MCM9: variants seen among roughly 807,000 people sequenced by gnomAD.
MCM9 encodes the protein minichromosome maintenance 9 homologous recombination repair factor, also known as DNA helicase MCM9.
In MCM9, 55 loss-of-function variants were observed where a neutral mutation model predicts 72.8. The ratio of observed to expected loss-of-function variants is 0.76; its 90% CI spans 0.61 to 0.95. The LOEUF is 0.95. Among genes scored for constraint, MCM9 ranks in the 40% least tolerant of loss-of-function variants. MCM9 has a pLI of 0.00. For missense variants in MCM9, 1,279 were observed against 1,377.0 expected (o/e 0.93, Z 1.13); for synonymous variants, 480 against 503.4 (o/e 0.95, Z 0.62).
At chr6:118,924,804 G>A (rs1288995922) in intron 3 of MCM9, among the ~76,000 whole-genome samples, 1 of 152,194 alleles carries the variant, frequency 6.6e-6, no homozygotes, top group Non-Finnish European at 1.5e-5. Context: ...TCACACTTGG[G>A]AAGCCAAGGT....
chr6:118,850,994 T>C (rs1776185799), intron 9 of MCM9, among the ~76,000 whole-genome samples: 1 of 151,560 alleles, frequency 6.6e-6, no homozygotes, highest in African/African-American at 2.4e-5. Context: ...GTTTTTTTGT[T>C]TTTTGTATCG....
intron 8 of MCM9, among the ~76,000 whole-genome samples, chr6:118,889,272 G>A (rs1232024032): frequency 6.6e-6 from 1 of 152,074 alleles, no homozygotes; most frequent in Non-Finnish European, 1.5e-5. Context: ...TCTGGTTTTT[G>A]ACTCTTTCTA....
Position 118,816,019 on chromosome 6 carries a change from T to C in MCM9, c.2237A>G (p.Asp746Gly), listed in dbSNP as rs1356222043. The C allele has an allele frequency of 2.6e-6, 4 of 1,550,554 alleles. No homozygotes were observed. The East Asian group carries it at 9.8e-5, about 38-fold the overall frequency. Residue 746 changes from aspartate (D) to glycine (G), a missense_variant, in exon 14 of 14, where the codon GAT (aspartate) becomes GGT (glycine). By Grantham distance (94) the Asp-to-Gly change is moderately conservative. Transcript: ENST00000619706. Reference sequence around the variant, plus strand: ...TTCACTCTGATGAGTTGCCATGAAATCAAACCAATCTAAACTGTCATCTCT... The same window carrying C: ...TTCACTCTGATGAGTTGCCATGAAACCAAACCAATCTAAACTGTCATCTCT... ...NNRDDSLDWF[D>G]FMATHQSEPK...
intron 8 of MCM9, among the ~76,000 whole-genome samples, chr6:118,884,936 C>A (rs570188375): frequency 6.6e-6 from 1 of 152,300 alleles, no homozygotes; most frequent in South Asian, 2.1e-4. Flanking sequence ...GTGGCTCACA[C>A]CTGTAATCCC....
rs1221324305 is a variant in MCM9, at chr6:118,891,873, G to C, written c.1150+19777C>G. On this transcript the variant is annotated intron_variant, in intron 8 of 13. Coordinates refer to ENST00000619706, the MANE Select transcript of MCM9 (RefSeq NM_017696.3). ...TAACCCATAGTGAGAAGTGATTGGG[G>C]GATTACATTCCATGCAGCCCTCCAA... 2.0e-5 allele frequency among the ~76,000 whole-genome samples: 3 copies of C among 152,080 alleles called. No individual in the cohort carries two copies. In the East Asian group the frequency reaches 5.8e-4, roughly 29 times the overall value.
chr6:118,917,978 C>T (rs1251396183), intron 5 of MCM9: 2 of 550,986 alleles, frequency 3.6e-6, no homozygotes, highest in East Asian at 5.8e-5. Flanking sequence ...AAGCTGAAGT[C>T]AGTATTTCCT....
chr6:118,848,108 A>T (rs1354970624), intron 9 of MCM9, among the ~76,000 whole-genome samples: 1 of 151,922 alleles, frequency 6.6e-6, no homozygotes, highest in Non-Finnish European at 1.5e-5. Context: ...TCCCAAAAAG[A>T]CCAATGGTGA....
At chr6:118,870,956 A>G (rs1329595592) in intron 8 of MCM9, among the ~76,000 whole-genome samples, 1 of 152,148 alleles carries the variant, frequency 6.6e-6, no homozygotes, top group Non-Finnish European at 1.5e-5. Context: ...TGAATCAATA[A>G]TTAAAAGTCT....
chr6:118,865,580 G>A (rs1346949749), intron 8 of MCM9, among the ~76,000 whole-genome samples: 2 of 152,182 alleles, frequency 1.3e-5, no homozygotes, highest in African/African-American at 2.4e-5. Context: ...GTGGTCATTT[G>A]ACAAGCTGGC....
chr6:118,841,389 C>T (rs139845679), intron 9 of MCM9, among the ~76,000 whole-genome samples: 1 of 152,154 alleles, frequency 6.6e-6, no homozygotes. Flanking sequence ...TCTGGCCCCC[C>T]CTTAACCAGA....
At chr6:118,846,556 G>C (rs1361381931) in intron 9 of MCM9, among the ~76,000 whole-genome samples, 1 of 151,776 alleles carries the variant, frequency 6.6e-6, no homozygotes, top group Non-Finnish European at 1.5e-5. Flanking sequence ...AAGTTCCGGG[G>C]ACCAGAGCTG....
intron 8 of MCM9, among the ~76,000 whole-genome samples, chr6:118,883,944 A>G (rs1258863079): frequency 1.3e-5 from 2 of 152,252 alleles, no homozygotes; most frequent in East Asian, 3.8e-4. Context: ...GTTTAGAGAC[A>G]CATATCTTTT....
chr6:118,910,226 T>A (rs564104270), intron 8 of MCM9, among the ~76,000 whole-genome samples: 15 of 152,216 alleles, frequency 9.9e-5, no homozygotes, highest in Admixed American at 1.3e-4. Flanking sequence ...GGTTTTTTTT[T>A]AATTGTATTT....
intron 8 of MCM9, among the ~76,000 whole-genome samples, chr6:118,867,463 C>T (rs1443280417): frequency 6.6e-6 from 1 of 152,214 alleles, no homozygotes; most frequent in Admixed American, 6.5e-5. Flanking sequence ...TACTCACTCA[C>T]TGACTAATCC....
At chr6:118,824,512 T>C (rs1774039944) in intron 13 of MCM9, among the ~76,000 whole-genome samples, 1 of 152,154 alleles carries the variant, frequency 6.6e-6, no homozygotes, top group South Asian at 2.1e-4. Context: ...TTTCACCATG[T>C]TGGCCAGGCT....
At chr6:118,885,430 G>A (rs1294644551) in intron 8 of MCM9, among the ~76,000 whole-genome samples, 1 of 151,946 alleles carries the variant, frequency 6.6e-6, no homozygotes, top group Non-Finnish European at 1.5e-5. Flanking sequence ...CTTTAGTTAG[G>A]GTGACCAAAC....
chr6:118,907,496 G>T, intron 8 of MCM9: 3 of 1,613,600 alleles, frequency 1.9e-6, no homozygotes, highest in Non-Finnish European at 2.5e-6. Flanking sequence ...GCAGAGAGCA[G>T]TAATCCAAAT....
chr6:118,884,509 A>T (rs561618892), intron 8 of MCM9, among the ~76,000 whole-genome samples: 2 of 151,670 alleles, frequency 1.3e-5, no homozygotes, highest in South Asian at 2.1e-4. Flanking sequence ...AAAGGAATTT[A>T]AAAAAAAACA....
chr6:118,820,681 A>C (rs1773738424), intron 13 of MCM9, among the ~76,000 whole-genome samples: 1 of 152,092 alleles, frequency 6.6e-6, no homozygotes, highest in South Asian at 2.1e-4. Context: ...TATCCTTGTA[A>C]ATTTTCTGCC....
Sources: allele counts gnomAD v4.1 joint callset (sites outside exome capture counted in the v4.1 genomes callset), GRCh38; gene constraint gnomAD v4.1.1; transcripts MANE v1.5; gene names NCBI Gene and HGNC (gene_info 2026-07-23, HGNC 2026-07-21).